The following BACH1 variants were observed in gnomAD, a reference collection of about 807,000 sequenced individuals.
The protein encoded by BACH1 is BTB domain and CNC homolog 1.
Under a neutral mutation model 52.9 loss-of-function variants are expected in BACH1, and 35 were observed. That is an observed-to-expected ratio of 0.66 (90% CI 0.51 to 0.88). The LOEUF (loss-of-function observed/expected upper bound fraction) is 0.88. Ranked by LOEUF, BACH1 falls within the 40% of genes least tolerant of loss-of-function variation. BACH1 has a pLI of 0.00. For synonymous variants in BACH1, 321 were observed against 319.6 expected (o/e 1.00, Z -0.05); for missense variants, 808 against 872.6 (o/e 0.93, Z 0.93).
chr21:29,305,252 T>C (rs1032123308), intron 1 of BACH1: 4 of 152,144 alleles, frequency 2.6e-5, no homozygotes, highest in African/African-American at 9.7e-5. Flanking sequence ...ACTCGGATTC[T>C]TTGCTGGCAT....
intron 4 of BACH1, 88 bp downstream of exon 4, chr21:29,329,781 T>C (rs926283776): frequency 9.3e-6 from 9 of 968,918 alleles, no homozygotes; most frequent in African/African-American, 5.0e-5. Context: ...AGGTCAGATA[T>C]AATGCTCAAT....
chr21:29,299,105 A>C (rs2088572658), intron 1 of BACH1, among the ~76,000 whole-genome samples, 152 bp downstream of exon 1: 1 of 149,400 alleles, frequency 6.7e-6, no homozygotes, highest in African/African-American at 2.5e-5. Context: ...CGCGGGGGGC[A>C]CGTATCGGGG....
At chr21:29,314,370 A>G (rs1353394643) in intron 1 of BACH1, among the ~76,000 whole-genome samples, 2 of 152,240 alleles carry the variant, frequency 1.3e-5, no homozygotes, top group Admixed American at 6.5e-5. Flanking sequence ...TGAGGAGTCT[A>G]TAACTTTAAC....
chr21:29,322,201 A>G (rs903910689), intron 2 of BACH1, among the ~76,000 whole-genome samples: 2 of 152,162 alleles, frequency 1.3e-5, no homozygotes, highest in African/African-American at 2.4e-5. Flanking sequence ...GGGAGCTACA[A>G]TTCAAGATAA....
At chr21:29,303,348 T>TCG (rs1200011700) in intron 1 of BACH1, among the ~76,000 whole-genome samples, 1 of 152,242 alleles carries the variant, frequency 6.6e-6, no homozygotes, top group Non-Finnish European at 1.5e-5. Context: ...ATGGTGAGAA[T>TCG]CTGTGTCTTT....
chr21:29,331,070 T>C (rs1018620666), intron 4 of BACH1, among the ~76,000 whole-genome samples: 1 of 152,180 alleles, frequency 6.6e-6, no homozygotes, highest in African/African-American at 2.4e-5. Context: ...TTAGAGTGTG[T>C]ATCAGTAATA....
chr21:29,336,526 C>T (rs756313271), intron 4 of BACH1, among the ~76,000 whole-genome samples: 11 of 152,106 alleles, frequency 7.2e-5, no homozygotes, highest in Non-Finnish European at 1.0e-4. Flanking sequence ...ACTCCTGCAT[C>T]CTTTAGAATA....
intron 4 of BACH1, among the ~76,000 whole-genome samples, chr21:29,336,455 G>A (rs1423723839): frequency 6.6e-6 from 1 of 151,072 alleles, no homozygotes; most frequent in African/African-American, 2.5e-5. Context: ...TTTTCAACCT[G>A]TGTTGCTTAG....
chr21:29,347,753 G>T (rs564775438), downstream of BACH1, among the ~76,000 whole-genome samples: 30 of 152,242 alleles, frequency 2.0e-4, no homozygotes, highest in Non-Finnish European at 2.9e-5. Flanking sequence ...GTAAGTAAAT[G>T]AATTCAAAGG....
chr21:29,358,798 GAA>G (rs1038737911), intron 2 of BACH1, among the ~76,000 whole-genome samples: 7 of 131,072 alleles, frequency 5.3e-5, no homozygotes, highest in African/African-American at 1.8e-4. Context: ...AAGAAAGAAA[GAA>G]AGAAAGAAAG....
chr21:29,321,406 A>C lies in BACH1; in HGVS notation c.126A>C (p.Gly42=), dbSNP rs1158746794. 6.2e-7 allele frequency: 1 copy of C among 1,614,190 alleles called. No individual in the cohort carries two copies. The highest frequency in any genetic ancestry group is 1.1e-5 in the South Asian group (1 of 91,086). ...VLCDVTIFVE[G]QRFRAHRSVL... is the part of the protein sequence containing the mutation. ...GCGATGTCACCATCTTTGTGGAGGG[A>C]CAGCGGTTCCGCGCTCACCGGTCCG... Residue 42 remains glycine, a synonymous_variant, in exon 2 of 5, where the codon GGA becomes GGC. Transcript: ENST00000286800.
chr21:29,342,950 A>G lies in BACH1; in HGVS notation c.*117A>G, dbSNP rs2123477296. The G allele has an allele frequency of 9.6e-7, 1 of 1,037,518 alleles. No individual in the cohort carries two copies. Among genetic ancestry groups the G allele is most frequent in the Non-Finnish European group, 1.3e-6 (1 of 748,968 alleles). 64.3% of individuals were successfully genotyped at this position (1,037,518 alleles called of 1,614,324 possible). On this transcript the variant is annotated 3_prime_UTR_variant, in exon 5 of 5. Transcript: ENST00000286800. Reference sequence around the variant, plus strand: ...TACTGTTTTTTTCCTTTAGTAGTTTACCATAAGGGAATTTCCTTTAAGTCA... The same window carrying G: ...TACTGTTTTTTTCCTTTAGTAGTTTGCCATAAGGGAATTTCCTTTAAGTCA...
At chr21:29,339,655 CAG>C (rs1255695058) in intron 4 of BACH1, among the ~76,000 whole-genome samples, 6 of 110,474 alleles carry the variant, frequency 5.4e-5, no homozygotes, top group African/African-American at 1.8e-4. Context: ...TTTTTTGAGA[CAG>C]AGTCTTGCTC....
At chr21:29,350,787 G>A (rs938926384), downstream of BACH1, among the ~76,000 whole-genome samples, 1 of 152,210 alleles carries the variant, frequency 6.6e-6, no homozygotes, top group African/African-American at 2.4e-5. Context: ...TGTAGAAGGT[G>A]AAGGGAAGAA....
intron 1 of BACH1, among the ~76,000 whole-genome samples, chr21:29,314,187 G>A (rs1033968041): frequency 6.6e-6 from 1 of 152,134 alleles, no homozygotes; most frequent in African/African-American, 2.4e-5. Flanking sequence ...GTAGTAAGAA[G>A]GTATAACAGT....
intron 4 of BACH1, among the ~76,000 whole-genome samples, chr21:29,333,262 A>G (rs1329388949): frequency 6.6e-6 from 1 of 152,228 alleles, no homozygotes; most frequent in Non-Finnish European, 1.5e-5. Context: ...GGGTGATGTT[A>G]TGGATCTTGT....
chr21:29,345,176 G>A lies in BACH1; in HGVS notation c.*2343G>A, dbSNP rs575131393. On this transcript the variant is annotated 3_prime_UTR_variant, in exon 5 of 5. Coordinates refer to ENST00000286800, the MANE Select transcript of BACH1 (RefSeq NM_001186.4). The stretch of plus-strand genomic sequence containing the variant: ...GATGGACAGATAAAAAAGATTTTAC[G>A]TTTGTCTTTTGGCCATAAGTGGGAA... 3 of 152,636 alleles carry A rather than the reference G, an allele frequency of 2.0e-5. No individual in the cohort carries two copies. The highest frequency in any genetic ancestry group is 2.9e-5 in the Non-Finnish European group (2 of 67,972). The allele number at this position is 152,636 out of a possible 1,614,324, so 9.5% of individuals were successfully genotyped here. A position where few individuals can be genotyped will look rare whatever the true frequency, so the allele number is the denominator to read the frequency against.
chr21:29,360,871 A>T (rs374332619), intron 2 of BACH1, among the ~76,000 whole-genome samples: 54 of 150,888 alleles, frequency 3.6e-4, no homozygotes, highest in South Asian at 8.4e-4. Context: ...ACAAAAAAAA[A>T]CCCCACATGC....
intron 2 of BACH1, among the ~76,000 whole-genome samples, chr21:29,358,774 G>GA (rs150670774): frequency 0.011 from 812 of 72,184 alleles, 5 homozygotes; most frequent in South Asian, 0.015. Context: ...GAAAAGAAAA[G>GA]AAAGAAAGAA....
Sources: allele counts gnomAD v4.1 joint callset (sites outside exome capture counted in the v4.1 genomes callset), GRCh38; gene constraint gnomAD v4.1.1; transcripts MANE v1.5; gene names NCBI Gene and HGNC (gene_info 2026-07-23, HGNC 2026-07-21).